The following RYR2 variants were observed in gnomAD, a reference collection of about 807,000 sequenced individuals.
RYR2 encodes the protein ryanodine receptor 2.
Under a neutral mutation model 601.1 loss-of-function variants are expected in RYR2, and 227 were observed. The ratio of observed to expected loss-of-function variants is 0.38; its 90% CI spans 0.34 to 0.42. RYR2 has a LOEUF of 0.42. Among genes scored for constraint, RYR2 ranks in the 10% least tolerant of loss-of-function variants. The pLI is 1.00. For synonymous variants in RYR2, 2,223 were observed against 2,175.1 expected, an observed-to-expected ratio of 1.02 and a Z score of -0.61; for missense variants, 4,646 against 6,156.5, an observed-to-expected ratio of 0.75 and a Z score of 8.21.
At chr1:237,764,698 C>A (rs1470621785) in intron 84 of RYR2, among the ~76,000 whole-genome samples, 1 of 152,006 alleles carries the variant, frequency 6.6e-6, no homozygotes, top group African/African-American at 2.4e-5. Context: ...CCACCCACCT[C>A]GGCCTCCCAA....
chr1:237,611,151 T>G (rs1322829047), intron 36 of RYR2, among the ~76,000 whole-genome samples, 163 bp downstream of exon 36: 1 of 152,206 alleles, frequency 6.6e-6, no homozygotes, highest in Non-Finnish European at 1.5e-5. Flanking sequence ...TTCTGCGTAT[T>G]CTAAGTTTAA....
chr1:237,461,202 C>T (rs547253850), intron 16 of RYR2, among the ~76,000 whole-genome samples: 39 of 152,318 alleles, frequency 2.6e-4, no homozygotes, highest in African/African-American at 7.9e-4. Flanking sequence ...TTATTCTACC[C>T]ATTTTTGAAC....
intron 1 of RYR2, among the ~76,000 whole-genome samples, chr1:237,057,083 T>C (rs1018084152): frequency 6.6e-6 from 1 of 152,122 alleles, no homozygotes; most frequent in Admixed American, 6.5e-5. Context: ...GTGAGGCAGA[T>C]TGGAGGCCAC....
At chr1:237,594,885 G>GGTTTTTTTTGTTTTTTTT (rs773047111) in intron 33 of RYR2, among the ~76,000 whole-genome samples, 12 of 79,058 alleles carry the variant, frequency 1.5e-4, no homozygotes, top group South Asian at 5.9e-4. Flanking sequence ...AATATCACTG[G>GGTTTTTTTTGTTTTTTTT]GTTTTTTTTT....
intron 63 of RYR2, 102 bp from the exon 64 acceptor site, chr1:237,698,863 T>A: frequency 1.6e-6 from 1 of 630,684 alleles, no homozygotes. Context: ...AAAATATTAC[T>A]GTTGTGTCAT....
rs575747148 is a variant in RYR2, at chr1:237,690,206, T to C, written c.9067+2702T>C. ...ATTGGTATAGTATTTAAATGTCACA[T>C]ATTATGGGCTGTAGATGCTAATATG... On this transcript the variant is annotated intron_variant, in intron 63 of 104. Coordinates refer to ENST00000366574, the MANE Select transcript of RYR2 (RefSeq NM_001035.3). 1.2e-4 allele frequency among the ~76,000 whole-genome samples: 19 copies of C among 152,298 alleles called. No homozygotes were observed. In the South Asian group the frequency reaches 3.7e-3, roughly 30 times the overall value.
At chr1:237,226,908 A>G (rs1399885619) in intron 1 of RYR2, among the ~76,000 whole-genome samples, 1 of 152,040 alleles carries the variant, frequency 6.6e-6, no homozygotes, top group Non-Finnish European at 1.5e-5. Flanking sequence ...AGCTGGGGTT[A>G]CAGGTGTGCA....
chr1:237,110,556 G>T (rs952316294), intron 1 of RYR2, among the ~76,000 whole-genome samples: 2 of 152,070 alleles, frequency 1.3e-5, no homozygotes, highest in African/African-American at 2.4e-5. Context: ...GAGAATGATG[G>T]TTTCCAGTTT....
intron 2 of RYR2, among the ~76,000 whole-genome samples, chr1:237,292,281 TATAGGCAA>T (rs1425421174): frequency 2.0e-5 from 3 of 152,202 alleles, no homozygotes; most frequent in Non-Finnish European, 4.4e-5. Flanking sequence ...TGCAATTGGA[TATAGGCAA>T]ATTGGAGATG....
chr1:237,386,548 T>C (rs1357238040), intron 8 of RYR2, among the ~76,000 whole-genome samples: 1 of 152,230 alleles, frequency 6.6e-6, no homozygotes, highest in Non-Finnish European at 1.5e-5. Flanking sequence ...GGTTGCTCTA[T>C]GTATGTTTGA....
intron 2 of RYR2, among the ~76,000 whole-genome samples, chr1:237,293,722 A>G (rs1692471992): frequency 1.3e-5 from 2 of 152,204 alleles, no homozygotes; most frequent in Admixed American, 1.3e-4. Context: ...AGGGCAGGAA[A>G]TGTGGGAAGA....
At chr1:237,147,117 G>A (rs1463475675) in intron 1 of RYR2, among the ~76,000 whole-genome samples, 2 of 152,068 alleles carry the variant, frequency 1.3e-5, no homozygotes, top group Admixed American at 1.3e-4. Flanking sequence ...TGAAATCTCA[G>A]GAAACTCTTT....
intron 1 of RYR2, among the ~76,000 whole-genome samples, chr1:237,082,558 A>ATATATATATATAT (rs1558200818): frequency 1.9e-3 from 47 of 24,202 alleles, no homozygotes; most frequent in African/African-American, 2.8e-3. Flanking sequence ...TATATATATA[A>ATATATATATATAT]AATCGGATAT....
intron 2 of RYR2, among the ~76,000 whole-genome samples, chr1:237,323,304 T>C (rs972051097): frequency 6.6e-6 from 1 of 152,088 alleles, no homozygotes; most frequent in Admixed American, 6.6e-5. Flanking sequence ...ATACATAGTA[T>C]CTTGAGGCTC....
Position 237,643,419 on chromosome 1 carries a change from C to A in RYR2, c.7314C>A (p.Ile2438=), listed in dbSNP as rs374418643. ...PLGDLVGVIS[I]AFQMPTIAKD... ...GAGATTTGGTGGGCGTTATCAGCAT[C>A]GCTTTTCAGATGCCAACAATAGCCA... The change falls in exon 48 of 105, where the codon ATC becomes ATA. Residue 2438 remains isoleucine (I), a synonymous_variant. Transcript: ENST00000366574. 14 of 1,613,742 alleles carry A rather than the reference C, an allele frequency of 8.7e-6. No homozygotes were observed. Among genetic ancestry groups the A allele is most frequent in the Middle Eastern group, 1.6e-4 (1 of 6,084 alleles).
chr1:237,611,059 T>C (rs1677809882), intron 36 of RYR2, 71 bp downstream of exon 36: 4 of 1,358,968 alleles, frequency 2.9e-6, no homozygotes, highest in Admixed American at 2.0e-5. Context: ...GGGCTTCCGG[T>C]AGTGGTGCGG....
rs754412394 is a variant in RYR2, at chr1:237,602,108, A to C, written c.4680A>C (p.Ile1560=). The change falls in exon 35 of 105, where the codon ATA becomes ATC. Residue 1560 remains isoleucine, a synonymous_variant. Transcript: ENST00000366574. The stretch of plus-strand genomic sequence containing the variant: ...TTTTCCAGTTTGAGTTGGGAAGAAT[A>C]AAGGTAATAAAACTTATTCCTGGTA... The part of the protein sequence containing the change: ...PNVFQFELGR[I]KNVMPLSAGL... The C allele has an allele frequency of 8.7e-6, 14 of 1,609,682 alleles. No homozygotes were observed. Among genetic ancestry groups the C allele is most frequent in the South Asian group, 5.5e-5 (5 of 90,376 alleles).
chr1:237,217,344 T>C (rs1217667287), intron 1 of RYR2, among the ~76,000 whole-genome samples: 1 of 149,578 alleles, frequency 6.7e-6, no homozygotes, highest in Non-Finnish European at 1.5e-5. Flanking sequence ...TTTTTTTTGG[T>C]AATTTTTAAA....
chr1:237,469,270 A>AC (rs1660432891), intron 17 of RYR2, 83 bp downstream of exon 17: 6 of 801,620 alleles, frequency 7.5e-6, no homozygotes, highest in Non-Finnish European at 1.1e-5. Context: ...AAAAAAAAAA[A>AC]AAAAAAAAAC....
Sources: allele counts gnomAD v4.1 joint callset (sites outside exome capture counted in the v4.1 genomes callset), GRCh38; gene constraint gnomAD v4.1.1; transcripts MANE v1.5; gene names NCBI Gene and HGNC (gene_info 2026-07-23, HGNC 2026-07-21).